Variants in NAALADL2 observed in about 807,000 individuals in gnomAD.
NAALADL2 encodes the protein N-acetylated alpha-linked acidic dipeptidase like 2, also known as inactive N-acetylated-alpha-linked acidic dipeptidase-like protein 2.
In NAALADL2, 76 loss-of-function variants were observed where a neutral mutation model predicts 87.2. The observed-to-expected ratio is 0.87, with a 90% CI of 0.72 to 1.05. The LOEUF is 1.05. NAALADL2 is among the 50% of genes least tolerant of loss of function. The pLI is 0.00. For missense variants in NAALADL2, 1,089 were observed against 945.8 expected (o/e 1.15, Z -1.99); for synonymous variants, 354 against 331.0 (o/e 1.07, Z -0.75).
At chr3:174,637,603 A>G (rs1369207751) in intron 2 of NAALADL2, among the ~76,000 whole-genome samples, 1 of 152,122 alleles carries the variant, frequency 6.6e-6, no homozygotes, top group East Asian at 1.9e-4. Flanking sequence ...TTATTTGTGA[A>G]CACTGTCCAA....
chr3:175,290,062 G>T (rs1355002003), intron 4 of NAALADL2, among the ~76,000 whole-genome samples: 2 of 152,150 alleles, frequency 1.3e-5, no homozygotes, highest in African/African-American at 4.8e-5. Flanking sequence ...GCATTAAAAG[G>T]CTGTGTGATA....
intron 11 of NAALADL2, among the ~76,000 whole-genome samples, chr3:175,713,749 A>G (rs1277558779): frequency 6.6e-6 from 1 of 151,904 alleles, no homozygotes; most frequent in South Asian, 2.1e-4. Flanking sequence ...TTTTTTTAAT[A>G]CTTTAAGTTC....
chr3:175,086,007 G>A (rs1718831042), intron 1 of NAALADL2, among the ~76,000 whole-genome samples: 1 of 152,210 alleles, frequency 6.6e-6, no homozygotes, highest in African/African-American at 2.4e-5. Flanking sequence ...TGCAATAGTT[G>A]AAGGGAGTAT....
At chr3:174,837,924 A>G (rs7628070) in intron 3 of NAALADL2, among the ~76,000 whole-genome samples, 28,161 of 151,490 alleles carry the variant, frequency 0.19, 2,922 homozygotes, top group East Asian at 0.44. Flanking sequence ...TGTTGACACT[A>G]TTTGACAAGA....
At chr3:174,490,378 A>G (rs929803116) in intron 1 of NAALADL2, among the ~76,000 whole-genome samples, 4 of 152,128 alleles carry the variant, frequency 2.6e-5, no homozygotes, top group African/African-American at 4.8e-5. Flanking sequence ...AAAGTAGATT[A>G]TTGATTTCCT....
At chr3:174,887,649 T>C (rs1256302997) in intron 1 of NAALADL2, among the ~76,000 whole-genome samples, 4 of 151,968 alleles carry the variant, frequency 2.6e-5, no homozygotes, top group Admixed American at 2.0e-4. Context: ...TTAAAAAAAT[T>C]AGTCGGGCTT....
At position 175,302,523 on chromosome 3, in the gene NAALADL2, A is replaced by G. The variant is rs1757208442; in HGVS notation, c.940-21652A>G. ...TCGAGGAAATGCAAATAGTACATTC[A>G]TTCATCTCCACATATAGGCTAAATT... On this transcript the variant is annotated intron_variant, in intron 4 of 13. Coordinates refer to ENST00000454872, the MANE Select transcript of NAALADL2 (RefSeq NM_207015.3). Among the ~76,000 whole-genome samples, 3 of 152,192 alleles carry G rather than the reference A, an allele frequency of 2.0e-5. No individual in the cohort carries two copies. In the South Asian group the frequency reaches 6.2e-4, roughly 31 times the overall value.
At chr3:174,999,494 T>TA (rs1327193577) in intron 1 of NAALADL2, among the ~76,000 whole-genome samples, 1 of 152,188 alleles carries the variant, frequency 6.6e-6, no homozygotes, top group African/African-American at 2.4e-5. Context: ...GCATATTTCT[T>TA]ACGGTGCTTT....
chr3:174,598,809 C>T (rs1302709938), intron 2 of NAALADL2, among the ~76,000 whole-genome samples: 2 of 152,126 alleles, frequency 1.3e-5, no homozygotes, highest in Non-Finnish European at 2.9e-5. Context: ...TATACTTAGC[C>T]ATCATATGTT....
chr3:174,688,365 G>A lies in NAALADL2; in HGVS notation c.-114-49276G>A, dbSNP rs546443375. 2.6e-3 allele frequency among the ~76,000 whole-genome samples: 395 copies of A among 151,818 alleles called. 2 individuals are homozygous for A. The highest frequency in any genetic ancestry group is 3.9e-3 in the Non-Finnish European group (264 of 67,900). ...CTGTAAATGTTAGCTATTATTATTAGAATTATCATTAGAAATTCTTAATAT... is the reference window on the plus strand; with the variant it reads ...CTGTAAATGTTAGCTATTATTATTAAAATTATCATTAGAAATTCTTAATAT... On this transcript the variant is annotated intron_variant, in intron 2 of 3. Coordinates refer to the NAALADL2 transcript ENST00000434257.
intron 9 of NAALADL2, among the ~76,000 whole-genome samples, chr3:175,503,762 T>G (rs531642736): frequency 4.6e-5 from 7 of 152,176 alleles, no homozygotes; most frequent in Non-Finnish European, 1.0e-4. Context: ...CTTTGCCCAC[T>G]TTTTCATGGG....
chr3:174,752,888 T>C (rs1667855917), intron 3 of NAALADL2, among the ~76,000 whole-genome samples: 1 of 152,170 alleles, frequency 6.6e-6, no homozygotes, highest in Admixed American at 6.5e-5. Flanking sequence ...AGCTGAACAT[T>C]TCAATGGGAT....
At chr3:174,843,868 A>C (rs1724294310) in intron 3 of NAALADL2, among the ~76,000 whole-genome samples, 1 of 152,262 alleles carries the variant, frequency 6.6e-6, no homozygotes, top group East Asian at 1.9e-4. Context: ...GATTTAAAAA[A>C]AAATTGGGTT....
At chr3:175,272,131 T>C (rs1196118567) in intron 4 of NAALADL2, among the ~76,000 whole-genome samples, 3 of 152,184 alleles carry the variant, frequency 2.0e-5, no homozygotes, top group Non-Finnish European at 4.4e-5. Context: ...TTTTGTGACC[T>C]AAGAGACTAA....
chr3:175,041,586 C>T (rs758865349), intron 1 of NAALADL2, among the ~76,000 whole-genome samples: 4 of 152,074 alleles, frequency 2.6e-5, no homozygotes, highest in African/African-American at 9.7e-5. Flanking sequence ...AAGAGATGAG[C>T]GTCTTTAAAA....
At chr3:175,273,325 A>G (rs956765715) in intron 4 of NAALADL2, among the ~76,000 whole-genome samples, 3 of 152,098 alleles carry the variant, frequency 2.0e-5, no homozygotes, top group Admixed American at 2.0e-4. Flanking sequence ...TTCCTTATTC[A>G]CCAGATATTA....
Position 175,182,550 on chromosome 3 carries a change from G to GTTTTTT in NAALADL2, c.546-51358_546-51353dup, listed in dbSNP as rs1161831796. On this transcript the variant is annotated intron_variant, in intron 2 of 13. Coordinates refer to ENST00000454872, the MANE Select transcript of NAALADL2 (RefSeq NM_207015.3). Reference sequence around the variant, plus strand: ...CTATAAGTCCATGACACCACAGCCAGTTTTTTTTTTTTTTTTTTTTTTTTT... The same window carrying GTTTTTT: ...CTATAAGTCCATGACACCACAGCCAGTTTTTTTTTTTTTTTTTTTTTTTTTTTTTTT... 5.7e-3 allele frequency among the ~76,000 whole-genome samples: 393 copies of GTTTTTT among 69,476 alleles called. 56 individuals are homozygous for GTTTTTT. Among genetic ancestry groups the GTTTTTT allele is most frequent in the African/African-American group, 6.1e-3 (102 of 16,732 alleles). The allele number at this position is 69,476 out of a possible 152,430, so 45.6% of individuals were successfully genotyped here.
chr3:175,118,704 A>AGT (rs1346303498), intron 2 of NAALADL2, among the ~76,000 whole-genome samples: 1 of 151,856 alleles, frequency 6.6e-6, no homozygotes, highest in African/African-American at 2.4e-5. Context: ...GTTCTGGATC[A>AGT]GTAAGCACTG....
chr3:175,592,363 A>G (rs1339963144), intron 10 of NAALADL2, among the ~76,000 whole-genome samples: 3 of 100,098 alleles, frequency 3.0e-5, no homozygotes, highest in Admixed American at 9.5e-5. Flanking sequence ...ATTTTTTCTT[A>G]TGGTCTATCT....
Sources: gnomAD v4.1 joint callset for allele counts (sites outside exome capture counted in the v4.1 genomes callset) on GRCh38, gnomAD v4.1.1 for gene constraint, MANE v1.5 for transcripts, NCBI Gene and HGNC (gene_info 2026-07-23, HGNC 2026-07-21) for gene names.